Variants in MYBL1 observed in about 807,000 individuals in gnomAD.
The protein encoded by MYBL1 is myb-related protein A.
MYBL1 carries 17 observed loss-of-function variants against 96.3 expected under a neutral mutation model. The ratio of observed to expected loss-of-function variants is 0.18; its 90% CI spans 0.12 to 0.26. The LOEUF is 0.26. Ranked by LOEUF, MYBL1 falls within the 10% of genes least tolerant of loss-of-function variation. MYBL1 has a pLI of 1.00. For missense variants in MYBL1, 701 were observed against 882.9 expected, an observed-to-expected ratio of 0.79 and a Z score of 2.61; for synonymous variants, 282 against 292.7, an observed-to-expected ratio of 0.96 and a Z score of 0.37.
intron 8 of MYBL1, among the ~76,000 whole-genome samples, chr8:66,587,175 T>C (rs893579196): frequency 6.6e-6 from 1 of 152,182 alleles, no homozygotes; most frequent in South Asian, 2.1e-4. Flanking sequence ...CAGCAACTTG[T>C]TGTATATTTT....
intron 8 of MYBL1, among the ~76,000 whole-genome samples, chr8:66,585,976 G>C (rs1006691401): frequency 7.4e-5 from 11 of 149,388 alleles, no homozygotes; most frequent in Admixed American, 4.7e-4. Context: ...TTAATATCTA[G>C]ACTAGACAAA....
At chr8:66,591,412 C>T (rs957010344) in intron 8 of MYBL1, among the ~76,000 whole-genome samples, 2 of 151,882 alleles carry the variant, frequency 1.3e-5, no homozygotes, top group African/African-American at 4.8e-5. Flanking sequence ...AAACTTGTAT[C>T]TTTCTTTTAA....
chr8:66,588,744 G>C lies in MYBL1; in HGVS notation c.867+3696C>G, dbSNP rs1400570317. ...TGTTTAGGAAAAAAAACTTTAGGGA[G>C]GGCACGGTGGCTCATGCCTGTAATC... On this transcript the variant is annotated intron_variant, in intron 8 of 15. Transcript: ENST00000522677. Among the ~76,000 whole-genome samples, 3 of 152,162 alleles carry C rather than the reference G, an allele frequency of 2.0e-5. No homozygotes were observed. The East Asian group carries it at 5.8e-4, about 29-fold the overall frequency.
At chr8:66,569,339 C>CT (rs763757243) in intron 12 of MYBL1, among the ~76,000 whole-genome samples, 3,656 of 137,546 alleles carry the variant, frequency 0.027, 148 homozygotes, top group African/African-American at 0.087. Flanking sequence ...ACCGCATTTT[C>CT]TTTTTTTTTT....
At chr8:66,607,129 CAAAA>C (rs1226149503) in intron 1 of MYBL1, among the ~76,000 whole-genome samples, 84 of 125,020 alleles carry the variant, frequency 6.7e-4, no homozygotes, top group African/African-American at 2.2e-3. Context: ...GTTAAAACAA[CAAAA>C]AAAAAAAAAA....
chr8:66,578,411 G>C (rs1809056759), intron 9 of MYBL1, among the ~76,000 whole-genome samples: 1 of 152,296 alleles, frequency 6.6e-6, no homozygotes, highest in East Asian at 1.9e-4. Flanking sequence ...CTATCAAAAA[G>C]TGGGCAAAGG....
intron 8 of MYBL1, among the ~76,000 whole-genome samples, chr8:66,589,518 T>G (rs7828492): frequency 6.6e-6 from 1 of 151,950 alleles, no homozygotes; most frequent in South Asian, 2.1e-4. Context: ...TCTTGCTCTG[T>G]TGCCCAGGTT....
intron 8 of MYBL1, among the ~76,000 whole-genome samples, chr8:66,588,721 T>A (rs1809517502): frequency 6.6e-6 from 1 of 152,040 alleles, no homozygotes; most frequent in African/African-American, 2.4e-5. Flanking sequence ...CACATAACTG[T>A]TTAGGAAAAA....
intron 8 of MYBL1, among the ~76,000 whole-genome samples, chr8:66,591,490 T>A (rs910230713): frequency 6.6e-6 from 1 of 152,188 alleles, no homozygotes; most frequent in Non-Finnish European, 1.5e-5. Flanking sequence ...ACACTCCTAG[T>A]TAGTCTCATC....
At chr8:66,604,090 A>G (rs2130034758) in intron 1 of MYBL1, among the ~76,000 whole-genome samples, 1 of 152,300 alleles carries the variant, frequency 6.6e-6, no homozygotes, top group African/African-American at 2.4e-5. Context: ...ACACGAACAC[A>G]CACATAGATA....
At chr8:66,595,834 G>T in intron 5 of MYBL1, 77 bp from the exon 6 acceptor site, 1 of 913,004 alleles carries the variant, frequency 1.1e-6, no homozygotes, top group Non-Finnish European at 1.5e-6. Flanking sequence ...TGTACAAAGT[G>T]CTTAAAACAA....
Position 66,592,999 on chromosome 8 carries a change from C to T in MYBL1, c.762+121G>A, listed in dbSNP as rs1188945742. The stretch of plus-strand genomic sequence containing the variant: ...TTTCTTCTTTATAGTTAGAGTACTC[C>T]AAGTAGGACAGATCGTATTATTTTT... On this transcript the variant is annotated intron_variant, in intron 7 of 15. Coordinates refer to ENST00000522677, the MANE Select transcript of MYBL1 (RefSeq NM_001080416.4). 8.5e-6 allele frequency: 5 copies of T among 590,846 alleles called. No homozygotes were observed. In the African/African-American group the frequency reaches 9.5e-5, roughly 11 times the overall value. The allele number at this position is 590,846 out of a possible 1,614,324, so 36.6% of individuals were successfully genotyped here.
In MYBL1 at chr8:66,566,783, G is replaced by C. The variant is rs777952850; in HGVS notation, c.1851C>G (p.Thr617=). The part of the protein sequence containing the change: ...PAYKSCKQEN[T]ASGKKVRKSL... ...ATTTTCTGACTTTCTTCCCAGAAGC[G>C]GTATTCTAGAATGAGTAATTTATGT... The change falls in exon 14 of 16, where the codon ACC becomes ACG. Residue 617 remains threonine, a synonymous_variant. Transcript: ENST00000522677. 2 of 1,606,752 alleles carry C rather than the reference G, an allele frequency of 1.2e-6. No individual in the cohort carries two copies. Among genetic ancestry groups the C allele is most frequent in the Admixed American group, 1.7e-5 (1 of 59,666 alleles).
rs549976169 is a variant in MYBL1 at position 66,611,681 on chromosome 8, C to T, written c.20+1138G>A. Among the ~76,000 whole-genome samples, 6 of 152,322 alleles carry T rather than the reference C, an allele frequency of 3.9e-5. No homozygotes were observed. The South Asian group carries it at 1.2e-3, about 32-fold the overall frequency. ...TCTCAAGAGTTTGTCCTATAACTTA[C>T]TTCAAAACTAATAAGCTTACAGAGA... On this transcript the variant is annotated intron_variant, in intron 1 of 15. Coordinates refer to ENST00000522677, the MANE Select transcript of MYBL1 (RefSeq NM_001080416.4).
At chr8:66,612,558 A>T in intron 1 of MYBL1, 2 of 400,730 alleles carry the variant, frequency 5.0e-6, no homozygotes, top group Non-Finnish European at 8.7e-6. Flanking sequence ...TGAGGTCAGA[A>T]ATCTGGACGC....
chr8:66,599,923 A>G (rs1810002559), intron 3 of MYBL1, among the ~76,000 whole-genome samples: 1 of 152,246 alleles, frequency 6.6e-6, no homozygotes, highest in African/African-American at 2.4e-5. Context: ...CATAGGATCA[A>G]AAGGATGTTA....
At chr8:66,585,578 T>TA (rs1323008280) in intron 8 of MYBL1, among the ~76,000 whole-genome samples, 2 of 152,000 alleles carry the variant, frequency 1.3e-5, no homozygotes, top group Non-Finnish European at 2.9e-5. Flanking sequence ...TCGTCTCTCC[T>TA]AAAAATACCA....
At chr8:66,599,851 G>A (rs113774303) in intron 3 of MYBL1, among the ~76,000 whole-genome samples, 3,170 of 151,798 alleles carry the variant, frequency 0.021, 71 homozygotes, top group South Asian at 0.047. Flanking sequence ...CTGGATTCAC[G>A]TAGTTCAGCA....
At chr8:66,600,780 A>G (rs185485589) in intron 3 of MYBL1, among the ~76,000 whole-genome samples, 2 of 152,334 alleles carry the variant, frequency 1.3e-5, no homozygotes, top group Admixed American at 1.3e-4. Flanking sequence ...GAAAAAACAT[A>G]GTTAACATGG....
Sources: gnomAD v4.1 joint callset for allele counts (sites outside exome capture counted in the v4.1 genomes callset) on GRCh38, gnomAD v4.1.1 for gene constraint, MANE v1.5 for transcripts, NCBI Gene and HGNC (gene_info 2026-07-23, HGNC 2026-07-21) for gene names.